RANBP2: variants seen among roughly 807,000 people sequenced by gnomAD.
RANBP2 encodes the protein E3 SUMO-protein ligase RanBP2.
Under a neutral mutation model 303.6 loss-of-function variants are expected in RANBP2, and 57 were observed. The ratio of observed to expected loss-of-function variants is 0.19; its 90% confidence interval spans 0.15 to 0.23. The LOEUF is 0.23. Ranked by LOEUF, RANBP2 falls within the 10% of genes least tolerant of loss-of-function variation. RANBP2 has a pLI of 1.00. For synonymous variants in RANBP2, 1,167 were observed against 1,301.5 expected (o/e 0.90, Z 2.23); for missense variants, 3,138 against 3,780.8 (o/e 0.83, Z 4.46).
the RANBP2 span, chr2:108,910,511 T>C: frequency 6.2e-7 from 1 of 1,613,760 alleles, no homozygotes; most frequent in Non-Finnish European, 8.5e-7. Context: ...TTCATCCTTC[T>C]CGGAGAACAT....
chr2:109,050,053 C>T, the RANBP2 span, among the ~76,000 whole-genome samples: 1 of 151,998 alleles, frequency 6.6e-6, no homozygotes, highest in Non-Finnish European at 1.5e-5. Flanking sequence ...GCCACTGTGT[C>T]TCTTGGGCCC....
At chr2:109,227,215 C>G in the RANBP2 span, among the ~76,000 whole-genome samples, 3 of 152,126 alleles carry the variant, frequency 2.0e-5, no homozygotes, top group Non-Finnish European at 2.9e-5. Flanking sequence ...GAGGATCCCA[C>G]CCAGGCCTCA....
the RANBP2 span, among the ~76,000 whole-genome samples, chr2:109,219,392 G>A: frequency 6.6e-6 from 1 of 152,102 alleles, no homozygotes; most frequent in Non-Finnish European, 1.5e-5. Context: ...GAACATTTTA[G>A]TATTGCAAAA....
At chr2:109,031,679 C>G in the RANBP2 span, among the ~76,000 whole-genome samples, 5 of 152,156 alleles carry the variant, frequency 3.3e-5, no homozygotes, top group Non-Finnish European at 7.4e-5. Context: ...GCCGCTTCAG[C>G]GTCGGCCACG....
At chr2:109,465,299 A>G in the RANBP2 span, among the ~76,000 whole-genome samples, 1 of 152,200 alleles carries the variant, frequency 6.6e-6, no homozygotes, top group African/African-American at 2.4e-5. Flanking sequence ...GTGGGTTTTT[A>G]TATGGACATA....
chr2:108,768,494 T>C (rs949272422), intron 20 of RANBP2, 106 bp downstream of exon 20: 1 of 1,589,016 alleles, frequency 6.3e-7, no homozygotes, highest in Non-Finnish European at 8.5e-7. Flanking sequence ...AATGATGCTT[T>C]GTGAACACCC....
the RANBP2 span, among the ~76,000 whole-genome samples, chr2:109,705,623 C>T: frequency 2.6e-5 from 4 of 152,146 alleles, no homozygotes; most frequent in African/African-American, 4.8e-5. Flanking sequence ...GCTCTGTGGC[C>T]GGGCCTGAGC....
the RANBP2 span, among the ~76,000 whole-genome samples, chr2:109,006,543 G>A: frequency 6.6e-6 from 1 of 152,128 alleles, no homozygotes; most frequent in African/African-American, 2.4e-5. Flanking sequence ...ATAATTTCAC[G>A]TGTATTTTCA....
the RANBP2 span, among the ~76,000 whole-genome samples, chr2:109,204,933 C>T: frequency 6.6e-6 from 1 of 152,280 alleles, no homozygotes; most frequent in Admixed American, 6.5e-5. Flanking sequence ...ACTGGGTGGG[C>T]ATGGTGGCTC....
At chr2:108,750,658 G>A (rs968876921) in intron 9 of RANBP2, among the ~76,000 whole-genome samples, 5 of 151,608 alleles carry the variant, frequency 3.3e-5, no homozygotes, top group African/African-American at 1.2e-4. Context: ...CGCAATCTCG[G>A]CTCACTGCAA....
At chr2:109,528,541 C>T in the RANBP2 span, among the ~76,000 whole-genome samples, 1 of 152,084 alleles carries the variant, frequency 6.6e-6, no homozygotes, top group Non-Finnish European at 1.5e-5. Flanking sequence ...GAGGGGTCTG[C>T]GGCTTAGAAC....
At chr2:109,761,436 C>G in the RANBP2 span, among the ~76,000 whole-genome samples, 8 of 150,034 alleles carry the variant, frequency 5.3e-5, no homozygotes, top group African/African-American at 2.0e-4. Flanking sequence ...CTCCTCCTCC[C>G]CACCCCACCC....
chr2:108,751,567 T>A lies in RANBP2; in HGVS notation c.1495T>A (p.Leu499Ile), dbSNP rs543678222. The change falls in exon 11 of 29, where the codon TTA (leucine) becomes ATA (isoleucine). Residue 499 changes from leucine to isoleucine, a missense_variant. Leu to Ile is a conservative substitution (Grantham distance 5, BLOSUM62 2). Around this residue, in one of 20 missense-constraint regions of RANBP2, gnomAD observed 162 missense variants for 286.9 expected, o/e 0.56. Transcript: ENST00000283195. ...LGVVYTSHLQ[L>I]KEKCNSHHSS... Reference sequence around the variant, plus strand: ...AGTAGTATATACCAGCCACTTACAATTAAAGGAGAAATGTAATTCTCACCA... The same window carrying A: ...AGTAGTATATACCAGCCACTTACAAATAAAGGAGAAATGTAATTCTCACCA... 1 of 1,610,682 alleles carries A rather than the reference T, an allele frequency of 6.2e-7. No homozygotes were observed. The highest frequency in any genetic ancestry group is 2.2e-5 in the East Asian group (1 of 44,878).
At chr2:109,266,901 T>A in the RANBP2 span, among the ~76,000 whole-genome samples, 2 of 152,184 alleles carry the variant, frequency 1.3e-5, no homozygotes, top group Non-Finnish European at 2.9e-5. Context: ...GACAAGCTGA[T>A]GTATGTCCCT....
chr2:109,617,536 C>T, the RANBP2 span: 2 of 166,978 alleles, frequency 1.2e-5, no homozygotes, highest in South Asian at 4.1e-4. Context: ...TAAACAAGTC[C>T]TCCTTTAGTC....
the RANBP2 span, chr2:108,873,314 T>C: frequency 1.3e-6 from 1 of 758,776 alleles, no homozygotes; most frequent in Non-Finnish European, 1.9e-6. Context: ...ATATTTTCAC[T>C]CAAAAATTTA....
the RANBP2 span, among the ~76,000 whole-genome samples, chr2:109,541,999 A>G: frequency 6.6e-6 from 1 of 152,202 alleles, no homozygotes; most frequent in Non-Finnish European, 1.5e-5. Context: ...TGAAGTTCAA[A>G]TCCTAGTCTA....
At chr2:109,632,538 G>A in the RANBP2 span, among the ~76,000 whole-genome samples, 1 of 152,218 alleles carries the variant, frequency 6.6e-6, no homozygotes, top group South Asian at 2.1e-4. Flanking sequence ...GTCCAGCCGG[G>A]CGCAGTGGCT....
chr2:109,345,547 T>C, the RANBP2 span, among the ~76,000 whole-genome samples: 1 of 152,284 alleles, frequency 6.6e-6, no homozygotes, highest in Admixed American at 6.5e-5. Context: ...CCCTGACAGA[T>C]AAAGGTTTTT....
Sources: allele counts gnomAD v4.1 joint callset (sites outside exome capture counted in the v4.1 genomes callset), GRCh38; gene constraint gnomAD v4.1.1; regional missense constraint gnomAD v4.1.1; transcripts MANE v1.5; gene names NCBI Gene and HGNC (gene_info 2026-07-23, HGNC 2026-07-21).